The following IPO13 variants were observed in gnomAD, a reference collection of about 807,000 sequenced individuals.
IPO13 encodes the protein importin-13.
IPO13 carries 28 observed loss-of-function variants against 115.5 expected under a neutral mutation model. That is an observed-to-expected ratio of 0.24 (90% CI 0.18 to 0.33). The LOEUF is 0.33. Ranked by LOEUF, IPO13 falls within the 10% of genes least tolerant of loss-of-function variation. The pLI, the probability that IPO13 is intolerant of heterozygous loss-of-function variation, is 1.00. For missense variants in IPO13, 785 were observed against 1,204.6 expected (o/e 0.65, Z 5.16); for synonymous variants, 414 against 478.9 (o/e 0.86, Z 1.77).
Position 43,965,935 on chromosome 1 carries a change from C to T in IPO13, c.2398-640C>T, listed in dbSNP as rs549242925. 13 of 167,480 alleles carry T rather than the reference C, an allele frequency of 7.8e-5. No homozygotes were observed. The East Asian group carries it at 2.1e-3, about 26-fold the overall frequency. The allele number at this position is 167,480 out of a possible 1,614,324, so 10.4% of individuals were successfully genotyped here. On this transcript the variant is annotated intron_variant, in intron 15 of 19. Coordinates refer to ENST00000372343, the MANE Select transcript of IPO13 (RefSeq NM_014652.4). Reference sequence around the variant, plus strand: ...GGTACCACTCGGGGCAGGCCATCTGCCCCCTTCACTTCATCTCTTCCCCCT... The same window carrying T: ...GGTACCACTCGGGGCAGGCCATCTGTCCCCTTCACTTCATCTCTTCCCCCT...
Position 43,949,973 on chromosome 1 carries a change from C to T in IPO13, c.641C>T (p.Ser214Leu), listed in dbSNP as rs2085195906. The T allele has an allele frequency of 6.2e-7, 1 of 1,611,432 alleles. No individual in the cohort carries two copies. Among genetic ancestry groups the T allele is most frequent in the Non-Finnish European group, 8.5e-7 (1 of 1,179,502 alleles). ...GAGCAGCTGCTACAGCAGCCCAGCTCACCCAGCTGTGTGCGTCAGAAGGTG... is the reference window on the plus strand; with the variant it reads ...GAGCAGCTGCTACAGCAGCCCAGCTTACCCAGCTGTGTGCGTCAGAAGGTG... ...LLEQLLQQPS[S>L]PSCVRQKVLK... The change falls in exon 2 of 20, where the codon TCA (serine) becomes TTA (leucine). Residue 214 changes from serine (S) to leucine (L), a missense_variant. By Grantham distance (145) the Ser-to-Leu change is moderately radical. Transcript: ENST00000372343.
chr1:43,958,428 G>A lies in IPO13; in HGVS notation c.1750-33G>A, dbSNP rs1324805934. On this transcript the variant is annotated intron_variant, in intron 9 of 19. Transcript: ENST00000372343. This position sits in a 1 kb window ranked among gnomAD's most constrained non-coding sequence, Gnocchi z 6.3. ...CCTTCCTACCCCACAACTAGATGTG[G>A]CCAGGACTGACCATCCATGTTCTGC... 1 of 1,613,418 alleles carries A rather than the reference G, an allele frequency of 6.2e-7. No homozygotes were observed. Among genetic ancestry groups the A allele is most frequent in the Non-Finnish European group, 8.5e-7 (1 of 1,179,840 alleles).
chr1:43,965,499 A>C (rs2085316405), intron 15 of IPO13, among the ~76,000 whole-genome samples: 2 of 151,934 alleles, frequency 1.3e-5, no homozygotes, highest in Admixed American at 1.3e-4. Context: ...GGGTGTTTTC[A>C]AAGGTGTATC....
intron 2 of IPO13, among the ~76,000 whole-genome samples, chr1:43,950,624 G>A (rs1427288509): frequency 1.3e-5 from 2 of 151,918 alleles, no homozygotes; most frequent in African/African-American, 4.8e-5. Flanking sequence ...AATGCTCTTA[G>A]GTTAAAGCTC....
In IPO13 at chr1:43,949,446, C is replaced by A; in HGVS notation, c.114C>A (p.Asn38Lys). ...TGCACCAGCTCTACTATGATCCCAA[C>A]ATTGAGAATAAGAACCTGGCTCAGA... ...KALHQLYYDPNIENKNLAQKW... is the reference protein window; with the variant it reads ...KALHQLYYDPKIENKNLAQKW... The change falls in exon 2 of 20, where the codon AAC (asparagine) becomes AAA (lysine). Residue 38 changes from asparagine (N) to lysine (K), a missense_variant. Physicochemically the swap from Asn to Lys is moderately conservative, Grantham distance 94. Coordinates refer to ENST00000372343, the MANE Select transcript of IPO13 (RefSeq NM_014652.4). The A allele has an allele frequency of 2.5e-6, 4 of 1,611,916 alleles. No individual in the cohort carries two copies. The highest frequency in any genetic ancestry group is 3.4e-6 in the Non-Finnish European group (4 of 1,178,602).
rs1289439995 is a variant in IPO13, at chr1:43,965,959, C to T, written c.2398-616C>T. Reference sequence around the variant, plus strand: ...GCCCCCTTCACTTCATCTCTTCCCCCTCACCCACAGCAGCACTGGCTCCTT... The same window carrying T: ...GCCCCCTTCACTTCATCTCTTCCCCTTCACCCACAGCAGCACTGGCTCCTT... On this transcript the variant is annotated intron_variant, in intron 15 of 19. Coordinates refer to ENST00000372343, the MANE Select transcript of IPO13 (RefSeq NM_014652.4). 1.8e-5 allele frequency: 3 copies of T among 166,688 alleles called. No individual in the cohort carries two copies. In the East Asian group the frequency reaches 5.1e-4, roughly 28 times the overall value. 10.3% of individuals were successfully genotyped at this position (166,688 alleles called of 1,614,324 possible).
chr1:43,964,086 G>A (rs148318886), intron 14 of IPO13, among the ~76,000 whole-genome samples, 183 bp from the exon 15 acceptor site: 57 of 152,284 alleles, frequency 3.7e-4, no homozygotes, highest in Non-Finnish European at 4.7e-4. Flanking sequence ...TCACTTTGCC[G>A]TCTCTTTCTG....
rs2085216658 is a variant in IPO13, at chr1:43,952,550, G to C, written c.821+2397G>C. Among the ~76,000 whole-genome samples, 1 of 152,186 alleles carries C rather than the reference G, an allele frequency of 6.6e-6. No homozygotes were observed. Among genetic ancestry groups the C allele is most frequent in the Admixed American group, 6.5e-5 (1 of 15,284 alleles). ...TTACTTTTAGTACTGGTCATAAGAA[G>C]TAGAACTGGAATCATGCAATAGAAA... is the stretch of plus-strand genomic sequence containing the variant. On this transcript the variant is annotated intron_variant, in intron 2 of 19. Transcript: ENST00000372343. The surrounding 1 kb of genome is among the most constrained non-coding windows in gnomAD (Gnocchi z 4.7).
At position 43,966,856 on chromosome 1, in the gene IPO13, C is replaced by G. The variant is rs1248882138; in HGVS notation, c.2523+74C>G. On this transcript the variant is annotated intron_variant, in intron 17 of 19. Coordinates refer to ENST00000372343, the MANE Select transcript of IPO13 (RefSeq NM_014652.4). The surrounding 1 kb of genome is among the most constrained non-coding windows in gnomAD (Gnocchi z 4.1). Reference sequence around the variant, plus strand: ...CTGCCCAGGACTTCAGACAGTAGGGCTGGGGTGTACAGGTCTTGTCCTCAG... The same window carrying G: ...CTGCCCAGGACTTCAGACAGTAGGGGTGGGGTGTACAGGTCTTGTCCTCAG... 9 of 1,606,830 alleles carry G rather than the reference C, an allele frequency of 5.6e-6. No individual in the cohort carries two copies. In the East Asian group the frequency reaches 1.3e-4, roughly 24 times the overall value.
Position 43,947,638 on chromosome 1 carries a change from C to G in IPO13, c.38C>G (p.Ala13Gly), listed in dbSNP as rs1273423383. 9 of 1,332,926 alleles carry G rather than the reference C, an allele frequency of 6.8e-6. No individual in the cohort carries two copies. The highest frequency in any genetic ancestry group is 1.5e-5 in the African/African-American group (1 of 65,602). 82.6% of individuals were successfully genotyped at this position (1,332,926 alleles called of 1,614,324 possible). ...RREEQPGAAG[A>G]GAAPALDFTV... ...GAGGAGCAGCCGGGGGCTGCAGGGG[C>G]TGGAGCAGCACCAGCCTTGGACTTC... is the stretch of plus-strand genomic sequence containing the variant. Residue 13 changes from alanine (A) to glycine (G), a missense_variant, in exon 1 of 20, where the codon GCT (alanine) becomes GGT (glycine). Ala to Gly is a moderately conservative substitution (Grantham distance 60). Around this residue, in one of 3 missense-constraint regions of IPO13, gnomAD observed 325 missense variants for 449.8 expected, o/e 0.72. Transcript: ENST00000372343.
chr1:43,960,540 C>A (rs1277990335), intron 12 of IPO13, among the ~76,000 whole-genome samples: 1 of 152,196 alleles, frequency 6.6e-6, no homozygotes, highest in Non-Finnish European at 1.5e-5. Context: ...ATATTAGGGT[C>A]GAGTGACAGT....
chr1:43,961,321 A>C, intron 14 of IPO13, 59 bp downstream of exon 14: 2 of 1,369,472 alleles, frequency 1.5e-6, no homozygotes, highest in Non-Finnish European at 2.1e-6. Flanking sequence ...TGCTTCCCCA[A>C]ATGGGGAGCC....
rs776528008 is a variant in IPO13 at position 43,966,492 on chromosome 1, T to C, written c.2398-83T>C. On this transcript the variant is annotated intron_variant, in intron 15 of 19. Coordinates refer to ENST00000372343, the MANE Select transcript of IPO13 (RefSeq NM_014652.4). This position sits in a 1 kb window ranked among gnomAD's most constrained non-coding sequence, Gnocchi z 4.1. ...CAGCCTCTACCTGTGAGGTGTGAAG[T>C]TGGGGGCTGGGGTGGCAGGTGAGTG... 13 of 1,409,432 alleles carry C rather than the reference T, an allele frequency of 9.2e-6. No homozygotes were observed. Among genetic ancestry groups the C allele is most frequent in the African/African-American group, 2.8e-5 (2 of 70,786 alleles). 87.3% of individuals were successfully genotyped at this position (1,409,432 alleles called of 1,614,324 possible).
At chr1:43,951,086 T>C (rs2085205917) in intron 2 of IPO13, among the ~76,000 whole-genome samples, 1 of 152,166 alleles carries the variant, frequency 6.6e-6, no homozygotes, top group African/African-American at 2.4e-5. Flanking sequence ...TGTTCTAGGC[T>C]TTAGGAACCA....
Position 43,958,041 on chromosome 1 carries a change from G to C in IPO13, c.1605G>C (p.Leu535=). ...TCAACAGTGTTCTGCCCTTGGTACT[G>C]CATGCCCTAGGCAATCCTGAGCTGT... ...VMINSVLPLV[L]HALGNPELSV... Residue 535 remains leucine, a synonymous_variant, in exon 8 of 20, where the codon CTG becomes CTC. Transcript: ENST00000372343. This position sits in a 1 kb window ranked among gnomAD's most constrained non-coding sequence, Gnocchi z 6.3. The C allele has an allele frequency of 1.2e-6, 2 of 1,614,154 alleles. No individual in the cohort carries two copies. The highest frequency in any genetic ancestry group is 1.7e-6 in the Non-Finnish European group (2 of 1,180,010).
Position 43,947,379 on chromosome 1 carries a change from G to A in IPO13, c.-222G>A, listed in dbSNP as rs2085174464. 5.0e-6 allele frequency: 2 copies of A among 398,916 alleles called. No individual in the cohort carries two copies. The highest frequency in any genetic ancestry group is 8.8e-5 in the Admixed American group (2 of 22,716). 24.7% of individuals were successfully genotyped at this position (398,916 alleles called of 1,614,324 possible). A position where few individuals can be genotyped will look rare whatever the true frequency, so the allele number is the denominator to read the frequency against. On this transcript the variant is annotated 5_prime_UTR_variant, in exon 1 of 20. Coordinates refer to ENST00000372343, the MANE Select transcript of IPO13 (RefSeq NM_014652.4). ...CCTCACTGACGGCTCCCTCCTCGGA[G>A]TCCCCTTCATTGGGTCTCCTAAGAG...
intron 2 of IPO13, among the ~76,000 whole-genome samples, chr1:43,955,839 C>T (rs553330021): frequency 6.6e-6 from 1 of 152,010 alleles, no homozygotes; most frequent in East Asian, 1.9e-4. Flanking sequence ...GTTATCCCCA[C>T]ATGCAAAATA....
In IPO13 at chr1:43,956,632, C is replaced by A. The variant is rs775892442; in HGVS notation, c.1035C>A (p.Gly345=). ...TCAACATGATTATGTTCTGCACAGGCATCCCTGGCCACTATCCTGTCAATG... is the reference window on the plus strand; with the variant it reads ...TCAACATGATTATGTTCTGCACAGGAATCCCTGGCCACTATCCTGTCAATG... ...ALVNMIMFCT[G]IPGHYPVNET... Residue 345 remains glycine (G), a synonymous_variant, in exon 4 of 20, where the codon GGC becomes GGA. Transcript: ENST00000372343. The surrounding 1 kb of genome is among the most constrained non-coding windows in gnomAD (Gnocchi z 4.7). The A allele has an allele frequency of 3.3e-5, 54 of 1,614,110 alleles. No individual in the cohort carries two copies. The highest frequency in any genetic ancestry group is 4.3e-5 in the Non-Finnish European group (51 of 1,180,026).
At chr1:43,961,581 G>T (rs899956973) in intron 14 of IPO13, among the ~76,000 whole-genome samples, 21 of 152,266 alleles carry the variant, frequency 1.4e-4, no homozygotes, top group African/African-American at 4.8e-4. Flanking sequence ...TTTACTTTGG[G>T]ATATAATGAA....
Sources: gnomAD v4.1 joint callset for allele counts (sites outside exome capture counted in the v4.1 genomes callset) on GRCh38, gnomAD v4.1.1 for gene constraint, gnomAD v4.1.1 regional missense constraint, Gnocchi (gnomAD v3.1) non-coding constraint, MANE v1.5 for transcripts, NCBI Gene and HGNC (gene_info 2026-07-23, HGNC 2026-07-21) for gene names.